Variants in CCDC171 observed in about 807,000 individuals in gnomAD.
The protein encoded by CCDC171 is coiled-coil domain containing 171.
CCDC171 carries 177 observed loss-of-function variants against 168.2 expected under a neutral mutation model. The observed-to-expected ratio is 1.05, with a 90% CI of 0.93 to 1.19. The LOEUF is 1.19. Among genes scored for constraint, CCDC171 ranks in the 50% most tolerant of loss-of-function variants. CCDC171 has a pLI of 0.00. For synonymous variants in CCDC171, 687 were observed against 540.8 expected, an observed-to-expected ratio of 1.27 and a Z score of -3.75; for missense variants, 1,991 against 1,539.0, an observed-to-expected ratio of 1.29 and a Z score of -4.91.
At chr9:16,059,434 C>T (rs1833894147) in intron 1 of CCDC171, among the ~76,000 whole-genome samples, 1 of 151,840 alleles carries the variant, frequency 6.6e-6, no homozygotes, top group Non-Finnish European at 1.5e-5. Flanking sequence ...GCAAACGGCA[C>T]CTCAAGGGGG....
rs1457522254 is a variant in CCDC171, at chr9:15,864,605, AATGTGC to A, written c.3469-9926_3469-9921del. ...CGATAGTTTAATTAGAGCTTCTCCAAATGTGCCTAAGTATTTCTATTGTGTGGGGTA... is the reference window on the plus strand; with the variant it reads ...CGATAGTTTAATTAGAGCTTCTCCAACTAAGTATTTCTATTGTGTGGGGTA... On this transcript the variant is annotated intron_variant, in intron 23 of 25. Coordinates refer to ENST00000380701, the MANE Select transcript of CCDC171 (RefSeq NM_173550.4). Among the ~76,000 whole-genome samples the A allele has an allele frequency of 8.6e-3, 1,306 of 152,122 alleles. 1 individual carries two copies. Among genetic ancestry groups the A allele is most frequent in the African/African-American group, 0.03 (1,240 of 41,524 alleles).
chr9:15,915,076 G>T (rs1223138333), intron 24 of CCDC171, among the ~76,000 whole-genome samples: 1 of 145,612 alleles, frequency 6.9e-6, no homozygotes, highest in Non-Finnish European at 1.5e-5. Flanking sequence ...CTGCAGACTG[G>T]AGCTGTTCCT....
intron 24 of CCDC171, among the ~76,000 whole-genome samples, chr9:15,883,609 A>T (rs1703894112): frequency 6.6e-6 from 1 of 152,144 alleles, no homozygotes; most frequent in African/African-American, 2.4e-5. Flanking sequence ...TTTGCCTTTT[A>T]AAAAGGACAA....
At chr9:15,906,151 G>A (rs1589073284) in intron 24 of CCDC171, among the ~76,000 whole-genome samples, 1 of 152,124 alleles carries the variant, frequency 6.6e-6, no homozygotes, top group African/African-American at 2.4e-5. Flanking sequence ...GAAAAAGAGG[G>A]AATCCTCCCT....
At chr9:15,788,892 A>T (rs1313543411) in intron 21 of CCDC171, among the ~76,000 whole-genome samples, 1 of 152,112 alleles carries the variant, frequency 6.6e-6, no homozygotes, top group Non-Finnish European at 1.5e-5. Context: ...TATAAATAAT[A>T]ATTTAGACTG....
At chr9:15,764,005 G>A (rs2056590079) in intron 18 of CCDC171, among the ~76,000 whole-genome samples, 2 of 152,116 alleles carry the variant, frequency 1.3e-5, no homozygotes, top group South Asian at 4.1e-4. Flanking sequence ...CTGAGGGGAA[G>A]CGGTGGTAGT....
intron 3 of CCDC171, among the ~76,000 whole-genome samples, chr9:15,574,969 T>A (rs973794173): frequency 3.9e-5 from 6 of 152,082 alleles, no homozygotes; most frequent in African/African-American, 1.4e-4. Flanking sequence ...TGCATTGATG[T>A]AGGTGATTGG....
intron 11 of CCDC171, among the ~76,000 whole-genome samples, chr9:15,707,010 C>T (rs2052297220): frequency 6.6e-6 from 1 of 152,182 alleles, no homozygotes; most frequent in African/African-American, 2.4e-5. Context: ...ATTGCCTACA[C>T]CTAGTATCCT....
intron 6 of CCDC171, among the ~76,000 whole-genome samples, chr9:15,602,570 GA>G (rs2042931651): frequency 6.7e-6 from 1 of 149,914 alleles, no homozygotes; most frequent in African/African-American, 2.5e-5. Flanking sequence ...ATATTAACAT[GA>G]GTGAATTCTT....
chr9:15,831,637 G>A (rs755610870), intron 21 of CCDC171, among the ~76,000 whole-genome samples: 79 of 152,112 alleles, frequency 5.2e-4, no homozygotes, highest in Non-Finnish European at 2.2e-4. Flanking sequence ...ACATGTACCC[G>A]CATACCATTT....
intron 7 of CCDC171, among the ~76,000 whole-genome samples, chr9:15,642,450 C>G (rs1435651770): frequency 6.9e-6 from 1 of 145,834 alleles, no homozygotes; most frequent in Non-Finnish European, 1.5e-5. Flanking sequence ...GGATTGGATG[C>G]CTATGAAACA....
intron 25 of CCDC171, among the ~76,000 whole-genome samples, chr9:15,959,059 C>A (rs1343719815): frequency 6.6e-6 from 1 of 152,226 alleles, no homozygotes; most frequent in East Asian, 1.9e-4. Flanking sequence ...AAACAGGGGG[C>A]TTGGAAGACC....
At chr9:16,079,230 A>C in the CCDC171 span, among the ~76,000 whole-genome samples, 2 of 152,196 alleles carry the variant, frequency 1.3e-5, no homozygotes, top group Non-Finnish European at 2.9e-5. Context: ...ACTCTTCTGA[A>C]AGATCCCCAG....
rs534457050 is a variant in CCDC171 at position 15,560,223 on chromosome 9, G to A, written c.-111-3755G>A. 2.3e-3 allele frequency among the ~76,000 whole-genome samples: 357 copies of A among 152,008 alleles called. 5 individuals carry two copies. Among genetic ancestry groups the A allele is most frequent in the South Asian group, 0.021 (100 of 4,818 alleles). The stretch of plus-strand genomic sequence containing the variant: ...TATGTGTCTTGGAGTTGCTCTTCTT[G>A]TGGAGTATCTTTGTGGCGTTCTCTG... On this transcript the variant is annotated intron_variant, in intron 1 of 25. Transcript: ENST00000380701.
chr9:16,057,749 A>G (rs1833864484), intron 1 of CCDC171, among the ~76,000 whole-genome samples: 1 of 152,134 alleles, frequency 6.6e-6, no homozygotes, highest in Non-Finnish European at 1.5e-5. Flanking sequence ...CACATCCAGC[A>G]GTTTAGGTTT....
At chr9:15,667,999 A>G (rs1564174173) in intron 9 of CCDC171, among the ~76,000 whole-genome samples, 2 of 152,208 alleles carry the variant, frequency 1.3e-5, no homozygotes, top group Non-Finnish European at 2.9e-5. Context: ...TATGTATTCA[A>G]ATATTATTCT....
chr9:16,107,460 A>G, the CCDC171 span, among the ~76,000 whole-genome samples: 1 of 152,148 alleles, frequency 6.6e-6, no homozygotes, highest in Admixed American at 6.6e-5. Flanking sequence ...CCCATGGAGA[A>G]TGTATTTTAT....
chr9:15,769,980 T>C (rs1426653244), intron 18 of CCDC171, among the ~76,000 whole-genome samples: 3 of 152,182 alleles, frequency 2.0e-5, no homozygotes, highest in African/African-American at 7.2e-5. Context: ...TTGAATATGT[T>C]GACCTAGCCA....
intron 7 of CCDC171, among the ~76,000 whole-genome samples, chr9:15,653,103 C>A (rs1021596108): frequency 6.6e-6 from 1 of 152,154 alleles, no homozygotes; most frequent in South Asian, 2.1e-4. Context: ...AGTCTTAATT[C>A]ATTCTAGTGG....
Sources: allele counts gnomAD v4.1 joint callset (sites outside exome capture counted in the v4.1 genomes callset), GRCh38; gene constraint gnomAD v4.1.1; transcripts MANE v1.5; gene names NCBI Gene and HGNC (gene_info 2026-07-23, HGNC 2026-07-21).